The following SEMA6D variants were observed in gnomAD, a reference collection of about 807,000 sequenced individuals.
SEMA6D encodes the protein semaphorin-6D.
SEMA6D carries 35 observed loss-of-function variants against 106.6 expected under a neutral mutation model. The observed-to-expected ratio is 0.33, with a 90% confidence interval of 0.25 to 0.44. The LOEUF (loss-of-function observed/expected upper bound fraction) is 0.44. Among genes scored for constraint, SEMA6D ranks in the 20% least tolerant of loss-of-function variants. SEMA6D has a pLI of 1.00. For missense variants in SEMA6D, 1,185 were observed against 1,345.9 expected (o/e 0.88, Z 1.87); for synonymous variants, 499 against 487.7 (o/e 1.02, Z -0.31).
intron 4 of SEMA6D, among the ~76,000 whole-genome samples, chr15:47,711,319 A>C (rs1487518377): frequency 6.6e-6 from 1 of 151,578 alleles, no homozygotes; most frequent in Non-Finnish European, 1.5e-5. Flanking sequence ...CAAAAAAAAA[A>C]AAAAAAAAAA....
chr15:47,765,619 C>T (rs570386316), intron 13 of SEMA6D: 90 of 538,288 alleles, frequency 1.7e-4, no homozygotes, highest in Non-Finnish European at 2.2e-4. Context: ...ATGTGGCCTT[C>T]GCAAATGCAA....
intron 1 of SEMA6D, among the ~76,000 whole-genome samples, chr15:47,259,636 AATG>A (rs2033973808): frequency 6.6e-6 from 1 of 152,030 alleles, no homozygotes; most frequent in South Asian, 2.1e-4. Context: ...TCAGAAGTTT[AATG>A]ATGATATTTC....
At chr15:47,372,020 C>T (rs1188607424) in intron 1 of SEMA6D, among the ~76,000 whole-genome samples, 1 of 152,138 alleles carries the variant, frequency 6.6e-6, no homozygotes. Context: ...ATTGCCAGTC[C>T]CCATGCAGGC....
chr15:47,599,062 C>G (rs1183878762), intron 3 of SEMA6D, among the ~76,000 whole-genome samples: 1 of 152,040 alleles, frequency 6.6e-6, no homozygotes, highest in Non-Finnish European at 1.5e-5. Context: ...GATGAGCATT[C>G]CTGGGTGCTA....
chr15:47,346,779 A>T (rs1051009083), intron 1 of SEMA6D, among the ~76,000 whole-genome samples: 22 of 152,228 alleles, frequency 1.4e-4, no homozygotes, highest in Admixed American at 1.1e-3. Context: ...TACAGCATTA[A>T]AAAAAGAAGT....
intron 1 of SEMA6D, among the ~76,000 whole-genome samples, chr15:47,216,022 C>A (rs1185233559): frequency 6.6e-6 from 1 of 152,136 alleles, no homozygotes; most frequent in Non-Finnish European, 1.5e-5. Flanking sequence ...AAATGACAGG[C>A]AGTTCTTATG....
chr15:47,750,871 G>A (rs2081391962), intron 1 of SEMA6D, among the ~76,000 whole-genome samples: 2 of 152,182 alleles, frequency 1.3e-5, no homozygotes, highest in Non-Finnish European at 2.9e-5. Context: ...GAAGCTGCAT[G>A]CATGTGGTGG....
Position 47,518,191 on chromosome 15 carries a change from T to A in SEMA6D, c.-87+47646T>A, listed in dbSNP as rs903290480. Among the ~76,000 whole-genome samples the A allele has an allele frequency of 2.0e-5, 3 of 152,186 alleles. No homozygotes were observed. The East Asian group carries it at 5.8e-4, about 29-fold the overall frequency. On this transcript the variant is annotated intron_variant, in intron 3 of 19. Transcript: ENST00000558014. ...GTGATTTAGAGCACAGAATAGGAAT[T>A]TAATTTTTAATAATGAGGAAAAAAC...
intron 3 of SEMA6D, among the ~76,000 whole-genome samples, chr15:47,553,149 C>A (rs1417053344): frequency 2.6e-5 from 4 of 151,186 alleles, no homozygotes; most frequent in African/African-American, 9.7e-5. Flanking sequence ...GGCAATCCGC[C>A]CATCTTGACC....
At position 47,646,982 on chromosome 15, in the gene SEMA6D, C is replaced by A. The variant is rs542719183; in HGVS notation, c.-55+46086C>A. 1.4e-4 allele frequency among the ~76,000 whole-genome samples: 22 copies of A among 152,294 alleles called. No homozygotes were observed. The South Asian group carries it at 4.6e-3, about 32-fold the overall frequency. On this transcript the variant is annotated intron_variant, in intron 4 of 19. Transcript: ENST00000558014. ...TAACTGTGGTTAATTGTGCAGCAACCTACACCCTCCATACTCTGCTAAATC... is the reference window on the plus strand; with the variant it reads ...TAACTGTGGTTAATTGTGCAGCAACATACACCCTCCATACTCTGCTAAATC...
intron 1 of SEMA6D, among the ~76,000 whole-genome samples, chr15:47,308,584 A>G (rs1013370536): frequency 1.3e-5 from 2 of 152,198 alleles, no homozygotes; most frequent in Non-Finnish European, 1.5e-5. Context: ...TCTTTGGCAG[A>G]AGAGTTTCTC....
chr15:47,542,629 C>A (rs7179135), intron 3 of SEMA6D, among the ~76,000 whole-genome samples: 1 of 152,090 alleles, frequency 6.6e-6, no homozygotes, highest in Non-Finnish European at 1.5e-5. Context: ...GTTTACAGTA[C>A]TATTTTGCTT....
intron 3 of SEMA6D, among the ~76,000 whole-genome samples, chr15:47,575,565 G>A (rs28533540): frequency 0.49 from 74,081 of 151,892 alleles, 18,576 homozygotes; most frequent in Non-Finnish European, 0.53. Flanking sequence ...TGAAACTACA[G>A]AAAATTAGCT....
intron 4 of SEMA6D, among the ~76,000 whole-genome samples, chr15:47,664,559 G>A (rs4774501): frequency 0.27 from 40,355 of 152,040 alleles, 5,509 homozygotes; most frequent in South Asian, 0.29. Flanking sequence ...AGAAATGACC[G>A]TCCCTCCTCA....
At chr15:47,566,146 A>G (rs1346669164) in intron 3 of SEMA6D, among the ~76,000 whole-genome samples, 1 of 152,224 alleles carries the variant, frequency 6.6e-6, no homozygotes, top group Non-Finnish European at 1.5e-5. Context: ...ACAGCGGCAG[A>G]TGTCTGGATG....
At chr15:47,574,004 C>T (rs1453392924) in intron 3 of SEMA6D, among the ~76,000 whole-genome samples, 1 of 152,170 alleles carries the variant, frequency 6.6e-6, no homozygotes, top group Non-Finnish European at 1.5e-5. Context: ...TTCCACAAGA[C>T]TTTGATTTCC....
chr15:47,449,770 C>T (rs980432282), intron 2 of SEMA6D, among the ~76,000 whole-genome samples: 26 of 152,056 alleles, frequency 1.7e-4, no homozygotes, highest in Admixed American at 3.3e-4. Flanking sequence ...TTTTAAGAGA[C>T]GTATAATGCA....
At chr15:47,586,953 GTT>G (rs371341367) in intron 3 of SEMA6D, among the ~76,000 whole-genome samples, 3 of 149,588 alleles carry the variant, frequency 2.0e-5, no homozygotes, top group African/African-American at 4.9e-5. Flanking sequence ...TCCCCAGGGT[GTT>G]TCCAGTGGGC....
intron 4 of SEMA6D, among the ~76,000 whole-genome samples, chr15:47,669,533 G>C (rs1195971224): frequency 6.6e-6 from 1 of 152,172 alleles, no homozygotes; most frequent in East Asian, 1.9e-4. Context: ...TGGCTGCCTT[G>C]ACAATCCATA....
Sources: allele counts gnomAD v4.1 joint callset (sites outside exome capture counted in the v4.1 genomes callset), GRCh38; gene constraint gnomAD v4.1.1; transcripts MANE v1.5; gene names NCBI Gene and HGNC (gene_info 2026-07-23, HGNC 2026-07-21).